SVIL: variants seen among roughly 807,000 people sequenced by gnomAD.
SVIL encodes supervillin.
Under a neutral mutation model 240.4 loss-of-function variants are expected in SVIL, and 101 were observed. The observed-to-expected ratio is 0.42, with a 90% confidence interval of 0.36 to 0.50. SVIL has a LOEUF of 0.50. Among genes scored for constraint, SVIL ranks in the 20% least tolerant of loss-of-function variants. The pLI, the probability that SVIL is intolerant of heterozygous loss-of-function variation, is 0.01. For synonymous variants in SVIL, 999 were observed against 1,100.0 expected (o/e 0.91, Z 1.82); for missense variants, 2,512 against 2,818.7 (o/e 0.89, Z 2.46).
intron 2 of SVIL, among the ~76,000 whole-genome samples, chr10:29,665,390 A>G (rs145939287): frequency 2.6e-5 from 4 of 152,250 alleles, no homozygotes; most frequent in Non-Finnish European, 5.9e-5. Context: ...GCGAAGGCAA[A>G]TATTTTCTGT....
At chr10:29,543,354 T>G (rs1411221356) in intron 6 of SVIL, among the ~76,000 whole-genome samples, 2 of 152,216 alleles carry the variant, frequency 1.3e-5, no homozygotes, top group Admixed American at 1.3e-4. Flanking sequence ...ATCTGACCAC[T>G]GCAGGACGCA....
intron 1 of SVIL, among the ~76,000 whole-genome samples, chr10:29,569,573 TAAC>T (rs1955277999): frequency 1.3e-5 from 2 of 152,190 alleles, no homozygotes; most frequent in Admixed American, 1.3e-4. Context: ...ACAACAATAA[TAAC>T]AATAATACTT....
At chr10:29,653,102 T>A (rs934937893) in intron 3 of SVIL, among the ~76,000 whole-genome samples, 1 of 151,984 alleles carries the variant, frequency 6.6e-6, no homozygotes, top group South Asian at 2.1e-4. Flanking sequence ...AGTGCCAGGA[T>A]TACAGGCATG....
chr10:29,722,550 A>G (rs1473869130), intron 1 of SVIL, among the ~76,000 whole-genome samples: 2 of 152,244 alleles, frequency 1.3e-5, no homozygotes, highest in African/African-American at 2.4e-5. Flanking sequence ...TTTGCGAACT[A>G]GAATCCTTTC....
At chr10:29,558,320 A>G (rs4749459) in intron 3 of SVIL, among the ~76,000 whole-genome samples, 46,085 of 152,086 alleles carry the variant, frequency 0.3, 7,247 homozygotes, top group African/African-American at 0.38. Context: ...ATGAGCTTAT[A>G]AATTAAATTG....
chr10:29,694,262 A>G (rs1026832365), intron 1 of SVIL, among the ~76,000 whole-genome samples: 3 of 151,320 alleles, frequency 2.0e-5, no homozygotes, highest in Non-Finnish European at 4.4e-5. Flanking sequence ...TCTTTTCTTA[A>G]ATTAGCCAGG....
At chr10:29,535,787 G>C (rs1254957269) in intron 7 of SVIL, among the ~76,000 whole-genome samples, 1 of 152,244 alleles carries the variant, frequency 6.6e-6, no homozygotes, top group African/African-American at 2.4e-5. Context: ...GATTGAAAAA[G>C]AGGGGGAAGG....
At chr10:29,543,810 A>C (rs907197158) in intron 6 of SVIL, among the ~76,000 whole-genome samples, 2 of 152,182 alleles carry the variant, frequency 1.3e-5, no homozygotes, top group Admixed American at 6.5e-5. Context: ...TGTTCTCATA[A>C]ACAAACAGAC....
intron 1 of SVIL, among the ~76,000 whole-genome samples, chr10:29,616,078 CT>C (rs2132891535): frequency 6.6e-6 from 1 of 152,302 alleles, no homozygotes; most frequent in East Asian, 1.9e-4. Flanking sequence ...AGGTGGGTGG[CT>C]TATTAAACCT....
chr10:29,651,265 C>T lies in SVIL; in HGVS notation c.-201+6704G>A, dbSNP rs540686976. Among the ~76,000 whole-genome samples, 11 of 152,284 alleles carry T rather than the reference C, an allele frequency of 7.2e-5. No individual in the cohort carries two copies. In the East Asian group the frequency reaches 2.1e-3, roughly 29 times the overall value. Reference sequence around the variant, plus strand: ...CACCTTTTTGGGCATTTCAGCAGAGCAGGTAAAGATCCAAGAGCAATTTTT... The same window carrying T: ...CACCTTTTTGGGCATTTCAGCAGAGTAGGTAAAGATCCAAGAGCAATTTTT... On this transcript the variant is annotated intron_variant, in intron 3 of 35. Coordinates refer to the SVIL transcript ENST00000375400.
At chr10:29,603,957 T>C (rs1241945048) in intron 1 of SVIL, among the ~76,000 whole-genome samples, 1 of 152,202 alleles carries the variant, frequency 6.6e-6, no homozygotes, top group African/African-American at 2.4e-5. Context: ...TTTTGACTCA[T>C]GTGATTGAAT....
rs1377989484 is a variant in SVIL at position 29,487,259 on chromosome 10, A to G, written c.4389T>C (p.Ala1463=). 2.5e-6 allele frequency: 4 copies of G among 1,614,164 alleles called. No homozygotes were observed. Among genetic ancestry groups the G allele is most frequent in the Non-Finnish European group, 3.4e-6 (4 of 1,180,016 alleles). ...AGCAGTCCCCACTGTTGAGCGCCGA[A>G]GCTCGAGGTTCCACCAGCCTGGTCT... ...HVQTRLVEPR[A]SALNSGDCFL... Residue 1463 remains alanine (A), a synonymous_variant, in exon 24 of 38, where the codon GCT becomes GCC. Transcript: ENST00000355867.
intron 21 of SVIL, among the ~76,000 whole-genome samples, chr10:29,491,673 C>T (rs549637660): frequency 2.6e-5 from 4 of 152,222 alleles, no homozygotes; most frequent in South Asian, 2.1e-4. Context: ...GTGAGCAGAC[C>T]GAGAGAAGCG....
intron 2 of SVIL, among the ~76,000 whole-genome samples, chr10:29,677,265 G>T (rs576317304): frequency 6.6e-6 from 1 of 152,240 alleles, no homozygotes; most frequent in South Asian, 2.1e-4. Context: ...GTGTTTCCAA[G>T]CATGCAATGT....
intron 2 of SVIL, among the ~76,000 whole-genome samples, chr10:29,684,970 G>A (rs1441213424): frequency 2.6e-5 from 4 of 151,940 alleles, no homozygotes; most frequent in Middle Eastern, 3.2e-3. Context: ...GGTTTATTAC[G>A]TAGGTAAAAC....
chr10:29,717,918 AAG>A (rs1963726502), intron 1 of SVIL, among the ~76,000 whole-genome samples: 2 of 152,226 alleles, frequency 1.3e-5, no homozygotes, highest in Non-Finnish European at 1.5e-5. Context: ...ATCAAATTTT[AAG>A]ACTTACTATA....
intron 2 of SVIL, among the ~76,000 whole-genome samples, chr10:29,675,577 G>A (rs1240069330): frequency 6.6e-6 from 1 of 152,124 alleles, no homozygotes; most frequent in Non-Finnish European, 1.5e-5. Context: ...ACCTCACAAA[G>A]CACACCTCTG....
chr10:29,682,060 C>T (rs1960698498), intron 2 of SVIL, among the ~76,000 whole-genome samples: 1 of 152,090 alleles, frequency 6.6e-6, no homozygotes, highest in Non-Finnish European at 1.5e-5. Context: ...GCTGGTGATC[C>T]TAGCTAGTAA....
At chr10:29,462,517 A>C in intron 35 of SVIL, 116 bp from the exon 36 acceptor site, 1 of 1,337,180 alleles carries the variant, frequency 7.5e-7, no homozygotes, top group South Asian at 1.4e-5. Context: ...TTAAAATGCA[A>C]GTTACCAGTA....
Sources: gnomAD v4.1 joint callset for allele counts (sites outside exome capture counted in the v4.1 genomes callset) on GRCh38, gnomAD v4.1.1 for gene constraint, MANE v1.5 for transcripts, NCBI Gene and HGNC (gene_info 2026-07-23, HGNC 2026-07-21) for gene names.